The following IRAG2 variants were observed in gnomAD, a reference collection of about 807,000 sequenced individuals.
The protein encoded by IRAG2 is inositol 1,4,5-triphosphate receptor associated 2, also known as lymphoid restricted membrane protein.
IRAG2 carries 45 observed loss-of-function variants against 69.9 expected under a neutral mutation model. That is an observed-to-expected ratio of 0.64 (90% CI 0.51 to 0.83). The LOEUF is 0.83. Among genes scored for constraint, IRAG2 ranks in the 40% least tolerant of loss-of-function variants. The pLI is 0.00. For synonymous variants in IRAG2, 193 were observed against 202.4 expected (o/e 0.95, Z 0.40); for missense variants, 520 against 587.0 (o/e 0.89, Z 1.18).
At chr12:25,002,640 TCTTC>T (rs1421169712), upstream of IRAG2, among the ~76,000 whole-genome samples, 6 of 149,108 alleles carry the variant, frequency 4.0e-5, no homozygotes, top group African/African-American at 1.5e-4. Context: ...TTCTTCTTCT[TCTTC>T]TTTTCTTTTT....
intron 11 of IRAG2, chr12:25,032,208 C>G: frequency 2.5e-6 from 1 of 398,910 alleles, no homozygotes; most frequent in Non-Finnish European, 4.4e-6. Context: ...AGAGGTATAC[C>G]TGTTATTATT....
chr12:25,025,051 T>C (rs920262149), intron 8 of IRAG2, among the ~76,000 whole-genome samples: 11 of 152,226 alleles, frequency 7.2e-5, no homozygotes, highest in African/African-American at 2.7e-4. Context: ...GGGTAGTGAT[T>C]CACTTTTATT....
At chr12:25,071,813 A>G (rs1229900568) in intron 6 of IRAG2, among the ~76,000 whole-genome samples, 1 of 151,066 alleles carries the variant, frequency 6.6e-6, no homozygotes, top group Non-Finnish European at 1.5e-5. Context: ...TTTTTGGCTA[A>G]GAAATGTACT....
At chr12:25,086,361 A>AGGAGAGT in intron 10 of IRAG2, among the ~76,000 whole-genome samples, 1 of 152,322 alleles carries the variant, frequency 6.6e-6, no homozygotes, top group Non-Finnish European at 1.5e-5. Context: ...GGAAGGAGGA[A>AGGAGAGT]GGAGAGTAGA....
At chr12:25,068,854 A>C (rs1232942402) in intron 5 of IRAG2, among the ~76,000 whole-genome samples, 2 of 152,196 alleles carry the variant, frequency 1.3e-5, no homozygotes, top group African/African-American at 4.8e-5. Context: ...CATTGATCAC[A>C]ATATCAACGA....
At chr12:25,034,732 G>A (rs2139851916) in intron 13 of IRAG2, among the ~76,000 whole-genome samples, 1 of 152,328 alleles carries the variant, frequency 6.6e-6, no homozygotes, top group African/African-American at 2.4e-5. Flanking sequence ...CCTGTTGACA[G>A]CTGTGATGCC....
intron 2 of IRAG2, among the ~76,000 whole-genome samples, chr12:25,062,271 G>A (rs1945681877): frequency 6.6e-6 from 1 of 151,946 alleles, no homozygotes; most frequent in Admixed American, 6.6e-5. Flanking sequence ...CTGTTTCTAG[G>A]GCATCATGCA....
chr12:25,071,799 T>G (rs1946355002), intron 6 of IRAG2, among the ~76,000 whole-genome samples: 1 of 152,170 alleles, frequency 6.6e-6, no homozygotes, highest in Non-Finnish European at 1.5e-5. Flanking sequence ...AGTATTTTTT[T>G]TTTTTTTTGG....
upstream of IRAG2, among the ~76,000 whole-genome samples, chr12:24,999,720 G>T (rs1029917241): frequency 2.0e-5 from 3 of 151,510 alleles, no homozygotes; most frequent in Admixed American, 6.6e-5. Flanking sequence ...ATTTTTCCTA[G>T]CCTCACTCCC....
intron 3 of IRAG2, among the ~76,000 whole-genome samples, chr12:25,013,170 C>G (rs1464102371): frequency 6.6e-6 from 1 of 152,114 alleles, no homozygotes. Context: ...GAATGTGTAT[C>G]AGGCCCTTAA....
At chr12:25,032,958 CTTT>C (rs11349391) in intron 12 of IRAG2, among the ~76,000 whole-genome samples, 43,623 of 136,562 alleles carry the variant, frequency 0.32, 6,887 homozygotes, top group Admixed American at 0.47. Context: ...CTCTTTCTTT[CTTT>C]TTTTTTTTTT....
At position 25,090,178 on chromosome 12, in the gene IRAG2, A is replaced by G. The variant is rs766233934; in HGVS notation, c.587A>G (p.Asn196Ser). The part of the protein sequence containing the change: ...AEENLKKEIT[N>S]CLKLLESLTP... ...GAAAATTTGAAGAAAGAAATCACTAACTGTTTAAAACTATTAGAGGTGAGA... is the reference window on the plus strand; with the variant it reads ...GAAAATTTGAAGAAAGAAATCACTAGCTGTTTAAAACTATTAGAGGTGAGA... Residue 196 changes from asparagine (N) to serine (S), a missense_variant, in exon 14 of 22, where the codon AAC becomes AGC. By Grantham distance (46) the Asn-to-Ser change is conservative. Transcript: ENST00000556887. The G allele has an allele frequency of 2.4e-5, 38 of 1,613,716 alleles. 1 individual carries two copies. The East Asian group carries it at 7.6e-4, about 32-fold the overall frequency.
chr12:25,032,417 C>T lies in IRAG2; in HGVS notation c.1643+48C>T, dbSNP rs1228139711. 19 of 398,792 alleles carry T rather than the reference C, an allele frequency of 4.8e-5. No homozygotes were observed. The Admixed American group carries it at 6.6e-4, about 14-fold the overall frequency. The allele number at this position is 398,792 out of a possible 1,614,324, so 24.7% of individuals were successfully genotyped here. A position where few individuals can be genotyped will look rare whatever the true frequency, so the allele number is the denominator to read the frequency against. On this transcript the variant is annotated intron_variant, in intron 12 of 38. Coordinates refer to the IRAG2 transcript ENST00000636465. The stretch of plus-strand genomic sequence containing the variant: ...CAGCCTCCTCTCTTGTTCCTCTACC[C>T]TACATTATTGGCCCAATTGAGCTTT...
chr12:25,042,260 G>A (rs1282654293), intron 16 of IRAG2, among the ~76,000 whole-genome samples: 12 of 111,920 alleles, frequency 1.1e-4, no homozygotes, highest in Non-Finnish European at 1.8e-4. Context: ...CAGGTAAATG[G>A]TGTGCTATTT....
chr12:25,003,210 G>T (rs1944405265), upstream of IRAG2, among the ~76,000 whole-genome samples: 1 of 151,962 alleles, frequency 6.6e-6, no homozygotes. Context: ...TTAAAAAAAA[G>T]ATTCATGGAA....
upstream of IRAG2, among the ~76,000 whole-genome samples, chr12:25,051,996 T>C (rs73075637): frequency 0.02 from 3,082 of 152,294 alleles, 35 homozygotes; most frequent in Non-Finnish European, 0.03. Context: ...GTGTAAAAGA[T>C]GAAACTAGAA....
At chr12:25,005,313 C>T in exon 2 of IRAG2, 2 of 1,230,714 alleles carry the variant, frequency 1.6e-6, no homozygotes, top group Middle Eastern at 3.1e-4. Context: ...AAAGAAGAGG[C>T]ACTCACAAGT....
At chr12:25,106,749 A>G (rs1949177237) in intron 20 of IRAG2, among the ~76,000 whole-genome samples, 194 bp from the exon 21 acceptor site, 1 of 151,662 alleles carries the variant, frequency 6.6e-6, no homozygotes, top group Non-Finnish European at 1.5e-5. Flanking sequence ...CTTATTTTTA[A>G]TTAAATTTCT....
At chr12:25,066,319 A>T in intron 4 of IRAG2, 46 bp from the exon 5 acceptor site, 1 of 400,584 alleles carries the variant, frequency 2.5e-6, no homozygotes, top group Non-Finnish European at 4.4e-6. Flanking sequence ...ATATAGTTTG[A>T]ACCAGAAATT....
Sources: gnomAD v4.1 joint callset for allele counts (sites outside exome capture counted in the v4.1 genomes callset) on GRCh38, gnomAD v4.1.1 for gene constraint, MANE v1.5 for transcripts, NCBI Gene and HGNC (gene_info 2026-07-23, HGNC 2026-07-21) for gene names.